The following ANAPC4 variants were observed in gnomAD, a reference collection of about 807,000 sequenced individuals.
ANAPC4 encodes anaphase promoting complex subunit 4, also known as anaphase-promoting complex subunit 4.
Under a neutral mutation model 119.8 loss-of-function variants are expected in ANAPC4, and 63 were observed. That is an observed-to-expected ratio of 0.53 (90% CI 0.43 to 0.65). The LOEUF is 0.65. Among genes scored for constraint, ANAPC4 ranks in the 30% least tolerant of loss-of-function variants. ANAPC4 has a pLI of 0.00. For synonymous variants in ANAPC4, 283 were observed against 318.6 expected (o/e 0.89, Z 1.19); for missense variants, 716 against 945.1 (o/e 0.76, Z 3.18).
At chr4:25,380,523 A>C (rs757771902) in intron 3 of ANAPC4, 44 bp downstream of exon 3, 1 of 1,445,222 alleles carries the variant, frequency 6.9e-7, no homozygotes, top group Non-Finnish European at 9.6e-7. Context: ...ATTTTCACAA[A>C]GAGTATTCTG....
rs761213930 is a variant in ANAPC4, at chr4:25,392,323, CT to C, written c.706-11del. 5.0e-6 allele frequency: 8 copies of C among 1,588,594 alleles called. No homozygotes were observed. The African/African-American group carries it at 9.4e-5, about 19-fold the overall frequency. On this transcript the variant is annotated splice_polypyrimidine_tract_variant and intron_variant, in intron 9 of 28. Transcript: ENST00000315368. The stretch of plus-strand genomic sequence containing the variant: ...GCATCTGATGATGACTCACTTTACT[CT>C]TTTGATTTTACAGCTTGAAACTAAT...
intron 9 of ANAPC4, 89 bp downstream of exon 9, chr4:25,391,104 A>T: frequency 9.9e-7 from 1 of 1,007,556 alleles, no homozygotes; most frequent in Non-Finnish European, 1.5e-6. Context: ...CTGTATTGTA[A>T]TGATCATTAA....
intron 3 of ANAPC4, among the ~76,000 whole-genome samples, chr4:25,380,939 G>C (rs964449111): frequency 2.3e-4 from 35 of 152,218 alleles, no homozygotes; most frequent in African/African-American, 6.7e-4. Flanking sequence ...TATCACCTTT[G>C]ACCCCATACC....
intron 26 of ANAPC4, 195 bp from the exon 27 acceptor site, chr4:25,416,230 T>G: frequency 2.6e-6 from 1 of 388,248 alleles, no homozygotes; most frequent in Non-Finnish European, 4.6e-6. Context: ...TTTTAAGATT[T>G]GGTTATATAT....
rs369521662 is a variant in ANAPC4, at chr4:25,390,629, C to T, written c.601-282C>T. Among the ~76,000 whole-genome samples, 84 of 152,264 alleles carry T rather than the reference C, an allele frequency of 5.5e-4. 2 individuals are homozygous for T. The South Asian group carries it at 0.017, about 32-fold the overall frequency. On this transcript the variant is annotated intron_variant, in intron 8 of 28. Coordinates refer to ENST00000315368, the MANE Select transcript of ANAPC4 (RefSeq NM_013367.3). ...AGCTTTTTCATCAGACTCTTACACT[C>T]GCAAAAGGGGTAGAAAATATTGTAG...
Position 25,403,532 on chromosome 4 carries a change from T to G in ANAPC4, c.1270+506T>G, listed in dbSNP as rs570425882. ...TCAGGCACTGTTAGGTGCTAGATTT[T>G]AAAAGTAAAAAAGAAAAAAAAATAA... On this transcript the variant is annotated intron_variant, in intron 17 of 28. Transcript: ENST00000315368. 9.9e-5 allele frequency among the ~76,000 whole-genome samples: 15 copies of G among 152,196 alleles called. 1 individual carries two copies. In the South Asian group the frequency reaches 1.9e-3, roughly 19 times the overall value.
chr4:25,410,033 A>C (rs73254174), intron 21 of ANAPC4, among the ~76,000 whole-genome samples: 6,751 of 152,312 alleles, frequency 0.044, 157 homozygotes, highest in South Asian at 0.079. Context: ...AAGTGTTCTC[A>C]TATAAGTGTT....
In ANAPC4 at chr4:25,414,621, C is replaced by A; in HGVS notation, c.1747C>A (p.Leu583Ile). ...PFLWNNKTSN[L>I]HYLLFTILED... ...TAGGTGGAATAATAAAACTTCAAATCTACATTATCTTCTTTTTACTATTCT... is the reference window on the plus strand; with the variant it reads ...TAGGTGGAATAATAAAACTTCAAATATACATTATCTTCTTTTTACTATTCT... The change falls in exon 25 of 29, where the codon CTA becomes ATA. Residue 583 changes from leucine (L) to isoleucine (I), a missense_variant. Leu to Ile is a conservative substitution (Grantham distance 5). Transcript: ENST00000315368. 6.4e-7 allele frequency: 1 copy of A among 1,553,882 alleles called. No individual in the cohort carries two copies. Among genetic ancestry groups the A allele is most frequent in the Non-Finnish European group, 8.7e-7 (1 of 1,145,232 alleles).
chr4:25,417,493 T>C (rs1240739059), intron 27 of ANAPC4, 123 bp from the exon 28 acceptor site: 5 of 1,003,882 alleles, frequency 5.0e-6, no homozygotes, highest in Admixed American at 5.8e-5. Context: ...TTGCTAAAAT[T>C]ATATTGGAAA....
chr4:25,379,110 G>A (rs980493812), intron 2 of ANAPC4, among the ~76,000 whole-genome samples: 3 of 152,134 alleles, frequency 2.0e-5, no homozygotes, highest in African/African-American at 7.2e-5. Flanking sequence ...GGTGGTGGAT[G>A]GAAAGTGGGA....
Position 25,377,283 on chromosome 4 carries a change from C to A in ANAPC4, c.-72C>A. 2 of 1,164,444 alleles carry A rather than the reference C, an allele frequency of 1.7e-6. No homozygotes were observed. The highest frequency in any genetic ancestry group is 2.3e-6 in the Non-Finnish European group (2 of 860,336). 72.1% of individuals were successfully genotyped at this position (1,164,444 alleles called of 1,614,324 possible). The stretch of plus-strand genomic sequence containing the variant: ...GCGGCCTGGAGGCTGTGGCGCGCGG[C>A]CGGCAGAGGGAGGGGAGAGGCCACT... On this transcript the variant is annotated 5_prime_UTR_variant, in exon 1 of 29. Coordinates refer to ENST00000315368, the MANE Select transcript of ANAPC4 (RefSeq NM_013367.3).
At chr4:25,389,893 ATTC>A (rs1275594288) in intron 7 of ANAPC4, among the ~76,000 whole-genome samples, 1 of 152,128 alleles carries the variant, frequency 6.6e-6, no homozygotes, top group Non-Finnish European at 1.5e-5. Context: ...AAAATAATGT[ATTC>A]TTATTTTACT....
intron 18 of ANAPC4, among the ~76,000 whole-genome samples, chr4:25,406,493 A>G (rs1723257547): frequency 6.6e-6 from 1 of 152,204 alleles, no homozygotes. Flanking sequence ...GACACATCTT[A>G]TCTGGGGTCC....
At chr4:25,417,788 G>A (rs200228389) in intron 28 of ANAPC4, 49 bp downstream of exon 28, 30 of 1,564,452 alleles carry the variant, frequency 1.9e-5, no homozygotes, top group East Asian at 6.8e-5. Context: ...AAGAAGTAAC[G>A]TTGCTTCTTT....
chr4:25,386,730 G>A (rs1218614749), intron 4 of ANAPC4, among the ~76,000 whole-genome samples: 1 of 152,210 alleles, frequency 6.6e-6, no homozygotes, highest in Non-Finnish European at 1.5e-5. Flanking sequence ...AGACTTGCTT[G>A]ACACAGGGTT....
intron 16 of ANAPC4, among the ~76,000 whole-genome samples, chr4:25,401,672 G>T (rs1722985735): frequency 6.6e-6 from 1 of 152,224 alleles, no homozygotes; most frequent in Non-Finnish European, 1.5e-5. Flanking sequence ...CACTTTTGCT[G>T]TTGAGCTGCA....
At chr4:25,401,095 C>T (rs1722939105) in intron 16 of ANAPC4, among the ~76,000 whole-genome samples, 2 of 152,146 alleles carry the variant, frequency 1.3e-5, no homozygotes, top group South Asian at 2.1e-4. Flanking sequence ...ACTTTGCTTT[C>T]GTTTTGTGGA....
chr4:25,393,127 A>G (rs984511569), intron 10 of ANAPC4, among the ~76,000 whole-genome samples: 3 of 152,190 alleles, frequency 2.0e-5, no homozygotes, highest in Admixed American at 2.0e-4. Context: ...ACAGTCATTA[A>G]TTTATTTGAT....
chr4:25,403,344 A>G (rs1723080442), intron 17 of ANAPC4, among the ~76,000 whole-genome samples: 1 of 152,164 alleles, frequency 6.6e-6, no homozygotes, highest in African/African-American at 2.4e-5. Flanking sequence ...TAATTGGGAT[A>G]TGTATCACCT....
Sources: gnomAD v4.1 joint callset for allele counts (sites outside exome capture counted in the v4.1 genomes callset) on GRCh38, gnomAD v4.1.1 for gene constraint, MANE v1.5 for transcripts, NCBI Gene and HGNC (gene_info 2026-07-23, HGNC 2026-07-21) for gene names.